The following TRPM3 variants were observed in gnomAD, a reference collection of about 807,000 sequenced individuals.
TRPM3 encodes long transient receptor potential channel 3.
In TRPM3, 77 loss-of-function variants were observed where a neutral mutation model predicts 181.2. The ratio of observed to expected loss-of-function variants is 0.42; its 90% confidence interval spans 0.35 to 0.51. TRPM3 has a LOEUF of 0.51. Among genes scored for constraint, TRPM3 ranks in the 20% least tolerant of loss-of-function variants. TRPM3 has a pLI of 0.01. For missense variants in TRPM3, 1,759 were observed against 2,196.7 expected (o/e 0.80, Z 3.98); for synonymous variants, 745 against 796.4 (o/e 0.94, Z 1.09).
At chr9:70,766,566 C>T (rs568815616) in intron 7 of TRPM3, among the ~76,000 whole-genome samples, 211 of 152,306 alleles carry the variant, frequency 1.4e-3, no homozygotes, top group African/African-American at 4.7e-3. Context: ...CACAGAATAT[C>T]TAATTCTCTA....
At chr9:70,901,651 G>A (rs895485119) in intron 1 of TRPM3, among the ~76,000 whole-genome samples, 3 of 152,078 alleles carry the variant, frequency 2.0e-5, no homozygotes, top group South Asian at 2.1e-4. Flanking sequence ...AATCAAAAAT[G>A]TATAATGGGA....
intron 1 of TRPM3, among the ~76,000 whole-genome samples, chr9:71,094,830 A>G (rs2066855307): frequency 6.6e-6 from 1 of 152,182 alleles, no homozygotes. Flanking sequence ...ACATCATTAA[A>G]GAAAAAAAAT....
intron 6 of TRPM3, among the ~76,000 whole-genome samples, chr9:70,804,921 C>G (rs2090293979): frequency 6.6e-6 from 1 of 152,186 alleles, no homozygotes; most frequent in African/African-American, 2.4e-5. Flanking sequence ...ACAGGGACTG[C>G]TGTGAAGTCC....
chr9:70,830,220 CAGTGAA>C (rs1293441214), intron 5 of TRPM3, among the ~76,000 whole-genome samples: 3 of 152,092 alleles, frequency 2.0e-5, no homozygotes, highest in Non-Finnish European at 4.4e-5. Flanking sequence ...TAAAGACTAT[CAGTGAA>C]AGTGAAATTT....
intron 8 of TRPM3, among the ~76,000 whole-genome samples, chr9:70,741,948 A>G (rs991964356): frequency 3.3e-5 from 5 of 152,140 alleles, no homozygotes; most frequent in African/African-American, 1.2e-4. Context: ...ACCAAACACC[A>G]TCTGTTCCCC....
At chr9:70,779,943 A>C (rs1457524184) in intron 7 of TRPM3, among the ~76,000 whole-genome samples, 1 of 152,200 alleles carries the variant, frequency 6.6e-6, no homozygotes, top group African/African-American at 2.4e-5. Flanking sequence ...GAGCAGAGAT[A>C]GGGAGAAAGA....
chr9:71,355,840 AT>A (rs33919548), intron 1 of TRPM3, among the ~76,000 whole-genome samples: 80,705 of 151,568 alleles, frequency 0.53, 21,728 homozygotes, highest in East Asian at 0.6. Context: ...AAAATATTCC[AT>A]TTTTTTTTCC....
intron 20 of TRPM3, among the ~76,000 whole-genome samples, chr9:70,599,836 G>C (rs2059579321): frequency 6.6e-6 from 1 of 152,148 alleles, no homozygotes; most frequent in Non-Finnish European, 1.5e-5. Flanking sequence ...TTATATGTAT[G>C]TGTGTATGAG....
chr9:71,227,108 C>CAAAAAAA (rs368727383), intron 1 of TRPM3, among the ~76,000 whole-genome samples: 1 of 40,168 alleles, frequency 2.5e-5, no homozygotes, highest in Non-Finnish European at 4.9e-5. Flanking sequence ...TACTTCATCT[C>CAAAAAAA]AAAAAAAAAA....
chr9:71,378,348 C>G (rs568578322), intron 1 of TRPM3, among the ~76,000 whole-genome samples: 9 of 152,074 alleles, frequency 5.9e-5, no homozygotes, highest in Non-Finnish European at 1.2e-4. Flanking sequence ...CTTGCATATA[C>G]TATGGATACA....
At chr9:71,106,300 A>C (rs1329993145) in intron 1 of TRPM3, among the ~76,000 whole-genome samples, 2 of 152,112 alleles carry the variant, frequency 1.3e-5, no homozygotes, top group Admixed American at 1.3e-4. Flanking sequence ...TATAATCCCC[A>C]GTGTTGGAAA....
At chr9:70,956,830 G>C (rs1475168332) in intron 1 of TRPM3, among the ~76,000 whole-genome samples, 2 of 151,514 alleles carry the variant, frequency 1.3e-5, no homozygotes, top group Non-Finnish European at 2.9e-5. Flanking sequence ...AGGCTGTAGT[G>C]AGCTGTGATC....
intron 7 of TRPM3, among the ~76,000 whole-genome samples, chr9:70,779,904 A>C (rs1356198551): frequency 6.6e-6 from 1 of 152,152 alleles, no homozygotes; most frequent in Non-Finnish European, 1.5e-5. Flanking sequence ...TGGGAGTTTG[A>C]CCATTTCTTC....
Position 70,536,267 on chromosome 9 carries a change from C to G in TRPM3, c.4846G>C (p.Gly1616Arg). The change falls in exon 26 of 26, where the codon GGC becomes CGC. Residue 1616 changes from glycine to arginine, a missense_variant. Physicochemically the swap from Gly to Arg is moderately radical, Grantham distance 125. Transcript: ENST00000677713. ...GATATTGCAATGGTGGCTCTGCGGCCTTTGGCCTCATTCTCCTCACTGTCA... is the reference window on the plus strand; with the variant it reads ...GATATTGCAATGGTGGCTCTGCGGCGTTTGGCCTCATTCTCCTCACTGTCA... ...SSDSEENEAK[G>R]RRATIAISSQ... The G allele has an allele frequency of 6.2e-7, 1 of 1,614,186 alleles. No homozygotes were observed. The highest frequency in any genetic ancestry group is 8.5e-7 in the Non-Finnish European group (1 of 1,180,024).
chr9:70,599,509 G>A (rs568076964), intron 20 of TRPM3, among the ~76,000 whole-genome samples: 2 of 152,168 alleles, frequency 1.3e-5, no homozygotes, highest in South Asian at 2.1e-4. Context: ...CCTTATGGTC[G>A]CCTCATTTCA....
At chr9:70,663,698 C>T (rs1436243697) in intron 9 of TRPM3, among the ~76,000 whole-genome samples, 3 of 152,124 alleles carry the variant, frequency 2.0e-5, no homozygotes, top group African/African-American at 7.2e-5. Flanking sequence ...AGTAGGTGTG[C>T]CAGGGATTAG....
At chr9:71,201,724 T>C (rs957798287) in intron 1 of TRPM3, among the ~76,000 whole-genome samples, 1 of 152,208 alleles carries the variant, frequency 6.6e-6, no homozygotes, top group African/African-American at 2.4e-5. Context: ...TTCAGCTCCA[T>C]CAGCTCCTTT....
At chr9:70,839,121 G>A (rs2094493940) in intron 5 of TRPM3, among the ~76,000 whole-genome samples, 1 of 152,250 alleles carries the variant, frequency 6.6e-6, no homozygotes, top group African/African-American at 2.4e-5. Flanking sequence ...TGCAGCTTGG[G>A]GGTAGGATTA....
intron 1 of TRPM3, among the ~76,000 whole-genome samples, chr9:70,923,803 A>ACACTCT (rs1222991757): frequency 7.0e-5 from 10 of 143,440 alleles, no homozygotes; most frequent in Non-Finnish European, 1.1e-4. Context: ...ACACACACAC[A>ACACTCT]CTCTCTCTCT....
Sources: gnomAD v4.1 joint callset for allele counts (sites outside exome capture counted in the v4.1 genomes callset) on GRCh38, gnomAD v4.1.1 for gene constraint, MANE v1.5 for transcripts, NCBI Gene and HGNC (gene_info 2026-07-23, HGNC 2026-07-21) for gene names.